The following FRMD4A variants were observed in gnomAD, a reference collection of about 807,000 sequenced individuals.
FRMD4A encodes FERM domain-containing protein 4A.
FRMD4A carries 29 observed loss-of-function variants against 129.1 expected under a neutral mutation model. That is an observed-to-expected ratio of 0.22 (90% CI 0.17 to 0.31). The LOEUF is 0.31. FRMD4A is among the 10% of genes least tolerant of loss of function. The pLI, the probability that FRMD4A is intolerant of heterozygous loss-of-function variation, is 1.00. For synonymous variants in FRMD4A, 634 were observed against 571.6 expected (o/e 1.11, Z -1.56); for missense variants, 1,272 against 1,375.8 (o/e 0.92, Z 1.19).
intron 2 of FRMD4A, among the ~76,000 whole-genome samples, chr10:14,173,253 T>C (rs1841567190): frequency 1.3e-5 from 2 of 152,224 alleles, no homozygotes; most frequent in South Asian, 4.1e-4. Flanking sequence ...TAGGTAAATA[T>C]AGCAGATATC....
intron 2 of FRMD4A, among the ~76,000 whole-genome samples, chr10:14,186,329 C>A (rs77541875): frequency 6.6e-6 from 1 of 152,094 alleles, no homozygotes; most frequent in Non-Finnish European, 1.5e-5. Flanking sequence ...TTTGCACATG[C>A]GACCCATGAG....
intron 12 of FRMD4A, among the ~76,000 whole-genome samples, chr10:13,709,733 G>A (rs1342874499): frequency 2.6e-5 from 4 of 152,180 alleles, no homozygotes; most frequent in East Asian, 1.9e-4. Context: ...GAACAGGATC[G>A]GCCTTCTGGG....
chr10:14,230,727 A>T (rs1366435224), intron 2 of FRMD4A, among the ~76,000 whole-genome samples: 1 of 152,172 alleles, frequency 6.6e-6, no homozygotes, highest in African/African-American at 2.4e-5. Context: ...CTATTTTGTC[A>T]CCCAGGTAAT....
At chr10:13,940,311 G>T (rs1325064728) in intron 2 of FRMD4A, among the ~76,000 whole-genome samples, 1 of 152,044 alleles carries the variant, frequency 6.6e-6, no homozygotes, top group Non-Finnish European at 1.5e-5. Context: ...GTCAAATCCA[G>T]CCCTCCTCAC....
rs540564197 is a variant in FRMD4A, at chr10:14,162,454, A to T, written c.45+167604T>A. The stretch of plus-strand genomic sequence containing the variant: ...ATGCCCGAAGTGCTTTGACCTCTGC[A>T]GCGAAAGCTGATGGTCACATATGAG... On this transcript the variant is annotated intron_variant, in intron 2 of 24. Coordinates refer to ENST00000357447, the MANE Select transcript of FRMD4A (RefSeq NM_018027.5). Among the ~76,000 whole-genome samples the T allele has an allele frequency of 1.7e-4, 26 of 152,354 alleles. No individual in the cohort carries two copies. The South Asian group carries it at 5.2e-3, about 30-fold the overall frequency.
intron 19 of FRMD4A, 106 bp from the exon 20 acceptor site, chr10:13,660,659 AC>A: frequency 1.4e-6 from 1 of 692,846 alleles, no homozygotes; most frequent in Non-Finnish European, 2.5e-6. Context: ...ACACAGCCAA[AC>A]CCACACCTTC....
intron 2 of FRMD4A, among the ~76,000 whole-genome samples, chr10:13,991,092 C>A (rs933898075): frequency 6.6e-6 from 1 of 152,158 alleles, no homozygotes; most frequent in Admixed American, 6.5e-5. Context: ...CTGTGCTTGG[C>A]GTGCCTGGGC....
At chr10:13,753,684 C>T (rs926137750) in intron 8 of FRMD4A, among the ~76,000 whole-genome samples, 5 of 151,764 alleles carry the variant, frequency 3.3e-5, no homozygotes, top group African/African-American at 9.7e-5. Flanking sequence ...GCTGGGACTA[C>T]AGGTGCTTAT....
chr10:14,009,647 G>A (rs1242019191), intron 2 of FRMD4A, among the ~76,000 whole-genome samples: 2 of 152,240 alleles, frequency 1.3e-5, no homozygotes, highest in African/African-American at 2.4e-5. Flanking sequence ...CGGCAGCAGC[G>A]CACGGGCTGG....
At chr10:14,136,997 A>G (rs947742034) in intron 2 of FRMD4A, among the ~76,000 whole-genome samples, 1 of 152,224 alleles carries the variant, frequency 6.6e-6, no homozygotes, top group African/African-American at 2.4e-5. Flanking sequence ...CTGATGATTC[A>G]TATCACTCAC....
At chr10:14,259,656 G>C (rs896834170) in intron 2 of FRMD4A, among the ~76,000 whole-genome samples, 4 of 152,086 alleles carry the variant, frequency 2.6e-5, no homozygotes, top group Non-Finnish European at 4.4e-5. Context: ...TTTAGTCAGA[G>C]AAAATATTCT....
chr10:14,035,449 A>G (rs537531841), intron 2 of FRMD4A, among the ~76,000 whole-genome samples: 2 of 152,198 alleles, frequency 1.3e-5, no homozygotes, highest in African/African-American at 4.8e-5. Flanking sequence ...AAAAGAAGAA[A>G]AAAATGAAAC....
chr10:13,694,837 G>A (rs1375730478), intron 14 of FRMD4A, among the ~76,000 whole-genome samples: 1 of 68,902 alleles, frequency 1.5e-5, no homozygotes, highest in East Asian at 7.3e-4. Context: ...GTGAGACCCT[G>A]TCTCTTAAAA....
intron 4 of FRMD4A, among the ~76,000 whole-genome samples, chr10:13,800,270 A>G (rs1241842232): frequency 6.6e-6 from 1 of 152,208 alleles, no homozygotes; most frequent in Non-Finnish European, 1.5e-5. Context: ...AAAACCTAGC[A>G]CAGTGTATAG....
chr10:14,178,781 GA>G (rs142308883), intron 2 of FRMD4A, among the ~76,000 whole-genome samples: 7,191 of 147,210 alleles, frequency 0.049, 242 homozygotes, highest in Non-Finnish European at 0.068. Flanking sequence ...CCCAAACTTA[GA>G]AAAAAAAAAG....
chr10:13,840,838 A>G (rs6602688), intron 3 of FRMD4A, among the ~76,000 whole-genome samples: 76,581 of 142,778 alleles, frequency 0.54, 19,962 homozygotes, highest in East Asian at 0.6. Context: ...CCCAGGTGCA[A>G]TGGCTCATGC....
chr10:14,285,098 G>A (rs1177078300), intron 2 of FRMD4A, among the ~76,000 whole-genome samples: 2 of 152,198 alleles, frequency 1.3e-5, no homozygotes, highest in Non-Finnish European at 2.9e-5. Flanking sequence ...AAGATTGTAT[G>A]GAGTAGGGTT....
intron 2 of FRMD4A, among the ~76,000 whole-genome samples, chr10:14,024,045 T>C (rs1231728328): frequency 6.6e-6 from 1 of 152,240 alleles, no homozygotes; most frequent in African/African-American, 2.4e-5. Context: ...CTACTGAAGC[T>C]GCTTTGATCT....
intron 3 of FRMD4A, among the ~76,000 whole-genome samples, chr10:13,822,472 C>A (rs2093644066): frequency 6.6e-6 from 1 of 152,154 alleles, no homozygotes; most frequent in East Asian, 1.9e-4. Context: ...GACTTACACC[C>A]CAATACAGTC....
Sources: allele counts gnomAD v4.1 joint callset (sites outside exome capture counted in the v4.1 genomes callset), GRCh38; gene constraint gnomAD v4.1.1; transcripts MANE v1.5; gene names NCBI Gene and HGNC (gene_info 2026-07-23, HGNC 2026-07-21).